Variants in ABLIM2 observed in about 807,000 individuals in gnomAD.
ABLIM2 encodes actin-binding LIM protein 2.
ABLIM2 carries 53 observed loss-of-function variants against 97.7 expected under a neutral mutation model. The observed-to-expected ratio is 0.54, with a 90% CI of 0.44 to 0.68. The LOEUF (loss-of-function observed/expected upper bound fraction) is 0.68. Among genes scored for constraint, ABLIM2 ranks in the 30% least tolerant of loss-of-function variants. The probability of loss-of-function intolerance (pLI) is 0.00; values close to 1 mark genes in which losing one functional copy is unlikely to be tolerated. For missense variants in ABLIM2, 835 were observed against 867.2 expected (o/e 0.96, Z 0.47); for synonymous variants, 361 against 345.8 (o/e 1.04, Z -0.49).
chr4:8,143,159 T>TG (rs1554123507), intron 1 of ABLIM2, among the ~76,000 whole-genome samples: 17,445 of 60,464 alleles, frequency 0.29, 2,166 homozygotes, highest in East Asian at 0.51. Context: ...GGGGCGAGAG[T>TG]GGGGGGGGGG....
rs1790309826 is a variant in ABLIM2 at position 8,043,819 on chromosome 4, C to G, written c.900+1345G>C. 6.6e-6 allele frequency among the ~76,000 whole-genome samples: 1 copy of G among 152,238 alleles called. No individual in the cohort carries two copies. Among genetic ancestry groups the G allele is most frequent in the Non-Finnish European group, 1.5e-5 (1 of 68,046 alleles). ...TGGGCAGGCGCTGTGCTCACTGCCA[C>G]CCAGGCAGCGCCTCAGTGAGCCCTG... On this transcript the variant is annotated intron_variant, in intron 9 of 20. Transcript: ENST00000447017. The surrounding 1 kb of genome is among the most constrained non-coding windows in gnomAD (Gnocchi z 4.8).
At position 8,008,170 on chromosome 4, in the gene ABLIM2, C is replaced by A. The variant is rs2150404766; in HGVS notation, c.1507G>T (p.Asp503Tyr). 6.2e-7 allele frequency: 1 copy of A among 1,613,798 alleles called. No homozygotes were observed. The highest frequency in any genetic ancestry group is 8.5e-7 in the Non-Finnish European group (1 of 1,179,794). The change falls in exon 16 of 21, where the codon GAT becomes TAT. Residue 503 changes from aspartate (D) to tyrosine (Y), a missense_variant. Coordinates refer to ENST00000447017, the MANE Select transcript of ABLIM2 (RefSeq NM_001130083.2). ...QKSSWLMLKG[D>Y]ADTRTNSPDL... ...GGAGAATTGGTCCTTGTGTCTGCAT[C>A]CCCCTTGAGCATCAGCCAGCTGCTC...
At chr4:8,049,371 G>C (rs912768707) in intron 8 of ABLIM2, among the ~76,000 whole-genome samples, 1 of 152,216 alleles carries the variant, frequency 6.6e-6, no homozygotes, top group Non-Finnish European at 1.5e-5. Flanking sequence ...CAGATGCCAG[G>C]GACGTCTGAC....
intron 1 of ABLIM2, 102 bp downstream of exon 1, chr4:8,158,577 AT>A: frequency 3.6e-6 from 5 of 1,388,222 alleles, no homozygotes; most frequent in Admixed American, 2.3e-5. Flanking sequence ...CCGCTGGGTG[AT>A]TTTCCCCGGC....
chr4:8,080,771 A>C lies in ABLIM2; in HGVS notation c.486T>G (p.Asn162Lys), dbSNP rs1286369612. ...SCGGCGTEIK[N>K]GQALVALDKH... ...TGTCCAAGGCTACCAGGGCCTGGCC[A>C]TTCTTGATTTCTGTGCCGCAGCCCC... Residue 162 changes from asparagine (N) to lysine (K), a missense_variant, in exon 5 of 21, where the codon AAT becomes AAG. Physicochemically the swap from Asn to Lys is moderately conservative, Grantham distance 94. Transcript: ENST00000447017. 3 of 1,609,736 alleles carry C rather than the reference A, an allele frequency of 1.9e-6. No individual in the cohort carries two copies. Among genetic ancestry groups the C allele is most frequent in the Admixed American group, 3.3e-5 (2 of 59,838 alleles).
At position 8,032,292 on chromosome 4, in the gene ABLIM2, C is replaced by T. The variant is rs1781466722; in HGVS notation, c.1048-2516G>A. Among the ~76,000 whole-genome samples the T allele has an allele frequency of 6.6e-6, 1 of 152,088 alleles. No individual in the cohort carries two copies. The highest frequency in any genetic ancestry group is 1.5e-5 in the Non-Finnish European group (1 of 68,032). ...TCTCCACGAGGACTGGGTGCTTCCA[C>T]ACAACCCACGTGGAGGGGCAGGAGG... On this transcript the variant is annotated intron_variant, in intron 10 of 20. Coordinates refer to ENST00000447017, the MANE Select transcript of ABLIM2 (RefSeq NM_001130083.2). This position sits in a 1 kb window ranked among gnomAD's most constrained non-coding sequence, Gnocchi z 4.3.
intron 1 of ABLIM2, among the ~76,000 whole-genome samples, chr4:8,141,060 G>A (rs1475700348): frequency 2.0e-5 from 3 of 152,056 alleles, no homozygotes; most frequent in Non-Finnish European, 4.4e-5. Context: ...AGCCTCACCT[G>A]TATAGATATT....
At chr4:8,050,698 G>A (rs2151900217) in intron 8 of ABLIM2, among the ~76,000 whole-genome samples, 1 of 152,152 alleles carries the variant, frequency 6.6e-6, no homozygotes, top group South Asian at 2.1e-4. Flanking sequence ...CAGAGCAGGA[G>A]GGCTCTCCCT....
Position 8,012,499 on chromosome 4 carries a change from C to A in ABLIM2, c.1424-3397G>T, listed in dbSNP as rs150945837. Among the ~76,000 whole-genome samples the A allele has an allele frequency of 2.0e-3, 300 of 151,092 alleles. 2 individuals are homozygous for A. The highest frequency in any genetic ancestry group is 3.4e-3 in the Non-Finnish European group (227 of 67,722). ...TCCATCCTTCACTCATCCATCCATC[C>A]ATCCATCTACCCACCCACCCATCCA... is the stretch of plus-strand genomic sequence containing the variant. On this transcript the variant is annotated intron_variant, in intron 14 of 20. Transcript: ENST00000447017.
At chr4:7,969,004 T>C (rs1007841799) in intron 20 of ABLIM2, among the ~76,000 whole-genome samples, 3 of 152,092 alleles carry the variant, frequency 2.0e-5, no homozygotes, top group Admixed American at 2.0e-4. Flanking sequence ...TGGTGGCACA[T>C]GCCTGTAATC....
rs148316403 is a variant in ABLIM2 at position 8,045,603 on chromosome 4, C to T, written c.823-362G>A. ...GGCGGTGCTCAGTGAGCCAAGATCG[C>T]GCCACTGCACTCCAGCCTGGGTGAC... On this transcript the variant is annotated intron_variant, in intron 8 of 20. Coordinates refer to ENST00000447017, the MANE Select transcript of ABLIM2 (RefSeq NM_001130083.2). 5.2e-3 allele frequency among the ~76,000 whole-genome samples: 785 copies of T among 152,198 alleles called. 6 individuals are homozygous for T. The highest frequency in any genetic ancestry group is 0.016 in the African/African-American group (671 of 41,530).
rs753569069 is a variant in ABLIM2 at position 8,036,315 on chromosome 4, TG to T, written c.901-21del. 1 of 1,611,894 alleles carries T rather than the reference TG, an allele frequency of 6.2e-7. No individual in the cohort carries two copies. Among genetic ancestry groups the T allele is most frequent in the Admixed American group, 1.7e-5 (1 of 59,918 alleles). ...CTTGGCCTGAGAGGGGAAAGAGAAT[TG>T]GGGAGGGGACAGTCACCAGATGCAC... is the stretch of plus-strand genomic sequence containing the variant. On this transcript the variant is annotated intron_variant, in intron 9 of 20. Transcript: ENST00000447017.
At position 8,148,977 on chromosome 4, in the gene ABLIM2, C is replaced by T. The variant is rs1013966759; in HGVS notation, c.10+9703G>A. ...GTCCAGCTGTGCCAAGGCCCAGGGT[C>T]CCCAGACACTACGGAGAGTCAGGCC... On this transcript the variant is annotated intron_variant, in intron 1 of 20. Transcript: ENST00000447017. This position sits in a 1 kb window ranked among gnomAD's most constrained non-coding sequence, Gnocchi z 6.7. Among the ~76,000 whole-genome samples the T allele has an allele frequency of 1.1e-4, 17 of 152,166 alleles. No individual in the cohort carries two copies. Among genetic ancestry groups the T allele is most frequent in the African/African-American group, 4.1e-4 (17 of 41,446 alleles).
chr4:8,060,968 T>G lies in ABLIM2; in HGVS notation c.762A>C (p.Gln254His), dbSNP rs1253707750. 3 of 1,583,818 alleles carry G rather than the reference T, an allele frequency of 1.9e-6. No homozygotes were observed. The South Asian group carries it at 3.5e-5, about 18-fold the overall frequency. ...CAAACAACACATTTTAATTTGTACC[T>G]TGAAGATACATCTCTTCGCCTTCTG... The part of the protein sequence containing the change: ...MFAEGEEMYL[Q>H]GSSIWHPACR... Residue 254 changes from glutamine to histidine, a missense_variant and splice_region_variant, in exon 7 of 21, where the codon CAA (glutamine) becomes CAC (histidine). Physicochemically the swap from Gln to His is conservative, Grantham distance 24. Coordinates refer to ENST00000447017, the MANE Select transcript of ABLIM2 (RefSeq NM_001130083.2).
chr4:8,024,574 T>C (rs1462214705), intron 12 of ABLIM2, among the ~76,000 whole-genome samples: 1 of 152,146 alleles, frequency 6.6e-6, no homozygotes, highest in African/African-American at 2.4e-5. Context: ...AGCTGACCCC[T>C]GGGGGCTGCC....
At position 8,132,668 on chromosome 4, in the gene ABLIM2, G is replaced by A. The variant is rs1037919138; in HGVS notation, c.10+26012C>T. 2.6e-5 allele frequency among the ~76,000 whole-genome samples: 4 copies of A among 152,158 alleles called. No individual in the cohort carries two copies. Among genetic ancestry groups the A allele is most frequent in the South Asian group, 2.1e-4 (1 of 4,834 alleles). Reference sequence around the variant, plus strand: ...CATCATGAAGCACGGCCCCTACCCCGCTGTCTTCCCTCGGGTGACTCAGTC... The same window carrying A: ...CATCATGAAGCACGGCCCCTACCCCACTGTCTTCCCTCGGGTGACTCAGTC... On this transcript the variant is annotated intron_variant, in intron 1 of 20. Coordinates refer to ENST00000447017, the MANE Select transcript of ABLIM2 (RefSeq NM_001130083.2). This position sits in a 1 kb window ranked among gnomAD's most constrained non-coding sequence, Gnocchi z 8.0.
At chr4:8,107,339 C>A (rs113718692) in intron 1 of ABLIM2, among the ~76,000 whole-genome samples, 118 of 152,374 alleles carry the variant, frequency 7.7e-4, no homozygotes, top group African/African-American at 2.7e-3. Flanking sequence ...TCTGCAGAGA[C>A]CAGCGCCCAG....
intron 1 of ABLIM2, among the ~76,000 whole-genome samples, chr4:8,151,978 G>T (rs541873487): frequency 2.0e-5 from 3 of 152,088 alleles, no homozygotes; most frequent in Non-Finnish European, 2.9e-5. Flanking sequence ...ATGCAATGAC[G>T]CTAGGCAGGA....
chr4:8,138,730 TAA>T (rs1265338433), intron 1 of ABLIM2, among the ~76,000 whole-genome samples: 1 of 152,194 alleles, frequency 6.6e-6, no homozygotes, highest in African/African-American at 2.4e-5. Flanking sequence ...ATTAAAGACT[TAA>T]ACGTAAAACC....
Sources: allele counts gnomAD v4.1 joint callset (sites outside exome capture counted in the v4.1 genomes callset), GRCh38; gene constraint gnomAD v4.1.1; non-coding constraint Gnocchi (gnomAD v3.1); transcripts MANE v1.5; gene names NCBI Gene and HGNC (gene_info 2026-07-23, HGNC 2026-07-21).